Variants in NUP88 observed in about 807,000 individuals in gnomAD.
The protein encoded by NUP88 is nucleoporin 88, also known as nuclear pore complex protein Nup88.
NUP88 carries 57 observed loss-of-function variants against 93.9 expected under a neutral mutation model. The ratio of observed to expected loss-of-function variants is 0.61; its 90% CI spans 0.49 to 0.76. The LOEUF (loss-of-function observed/expected upper bound fraction) is 0.76. Among genes scored for constraint, NUP88 ranks in the 30% least tolerant of loss-of-function variants. The pLI is 0.00. For missense variants in NUP88, 911 were observed against 901.0 expected (o/e 1.01, Z -0.14); for synonymous variants, 346 against 336.8 (o/e 1.03, Z -0.30).
intron 2 of NUP88, among the ~76,000 whole-genome samples, chr17:5,415,026 G>T (rs975742573): frequency 6.0e-5 from 9 of 150,160 alleles, no homozygotes; most frequent in African/African-American, 2.2e-4. Flanking sequence ...AATTTTATTT[G>T]TTTATTTATT....
In NUP88 at chr17:5,404,234, A is replaced by G. The variant is rs756162217; in HGVS notation, c.1057T>C (p.Trp353Arg). The change falls in exon 7 of 17, where the codon TGG becomes CGG. Residue 353 changes from tryptophan to arginine, a missense_variant. Trp to Arg is a moderately radical substitution (Grantham distance 101). Coordinates refer to ENST00000573584, the MANE Select transcript of NUP88 (RefSeq NM_002532.6). Reference protein sequence around the residue: ...EEDDHTSEKSWDSRIDLIPSL... With the variant: ...EEDDHTSEKSRDSRIDLIPSL... ...GGAATGAGGTCAATCCTGGAATCCC[A>G]GGACTTTTCTGACTGTAAAAAAAAG... is the stretch of plus-strand genomic sequence containing the variant. 6.2e-7 allele frequency: 1 copy of G among 1,612,582 alleles called. No individual in the cohort carries two copies. Among genetic ancestry groups the G allele is most frequent in the Non-Finnish European group, 8.5e-7 (1 of 1,179,564 alleles).
At chr17:5,409,682 G>C (rs1281036056) in intron 4 of NUP88, among the ~76,000 whole-genome samples, 1 of 152,110 alleles carries the variant, frequency 6.6e-6, no homozygotes, top group East Asian at 1.9e-4. Context: ...CCTCTAGAGA[G>C]AGAAATACCA....
rs761306371 is a variant in NUP88 at position 5,391,524 on chromosome 17, A to C, written c.1484+37T>G. On this transcript the variant is annotated intron_variant, in intron 10 of 16. Coordinates refer to ENST00000573584, the MANE Select transcript of NUP88 (RefSeq NM_002532.6). Reference sequence around the variant, plus strand: ...TTCCCAACTTAGATATTGCAGAATTAACAAGAGCTGTGTGGAGAATATAAA... The same window carrying C: ...TTCCCAACTTAGATATTGCAGAATTCACAAGAGCTGTGTGGAGAATATAAA... The C allele has an allele frequency of 3.9e-6, 6 of 1,528,386 alleles. No individual in the cohort carries two copies. In the African/African-American group the frequency reaches 6.8e-5, roughly 17 times the overall value. 94.7% of individuals were successfully genotyped at this position (1,528,386 alleles called of 1,614,324 possible).
At chr17:5,403,180 C>A (rs1913271395) in intron 7 of NUP88, among the ~76,000 whole-genome samples, 1 of 151,908 alleles carries the variant, frequency 6.6e-6, no homozygotes, top group African/African-American at 2.4e-5. Flanking sequence ...CCCACCTCTA[C>A]TAAAAATACA....
chr17:5,410,132 G>A (rs773783301), intron 4 of NUP88, among the ~76,000 whole-genome samples: 1 of 152,204 alleles, frequency 6.6e-6, no homozygotes, highest in Non-Finnish European at 1.5e-5. Context: ...AGAATGATGT[G>A]ATTAAACTTT....
At chr17:5,387,285 A>C in intron 14 of NUP88, 101 bp downstream of exon 14, 1 of 1,250,396 alleles carries the variant, frequency 8.0e-7, no homozygotes, top group Non-Finnish European at 1.2e-6. Context: ...CAGGGGGATC[A>C]GTTCAGTTCC....
chr17:5,407,719 T>C (rs1435813557), intron 5 of NUP88, among the ~76,000 whole-genome samples: 1 of 152,196 alleles, frequency 6.6e-6, no homozygotes, highest in Non-Finnish European at 1.5e-5. Context: ...AAATAAATCT[T>C]CTCCCCCAAT....
At position 5,408,850 on chromosome 17, in the gene NUP88, G is replaced by A. The variant is rs1913654511; in HGVS notation, c.740C>T (p.Ala247Val). ...TCCAAATAGAGTCTTTGGGACTGCT[G>A]CCAATGGCCCAAAGTCAAATGCAAC... Reference protein sequence around the residue: ...TAVAFDFGPLAAVPKTLFGQN... With the variant: ...TAVAFDFGPLVAVPKTLFGQN... The change falls in exon 5 of 17, where the codon GCA becomes GTA. Residue 247 changes from alanine (A) to valine (V), a missense_variant. Ala to Val is a moderately conservative substitution (Grantham distance 64). Transcript: ENST00000573584. The A allele has an allele frequency of 6.2e-7, 1 of 1,613,810 alleles. No individual in the cohort carries two copies. Among genetic ancestry groups the A allele is most frequent in the Admixed American group, 1.7e-5 (1 of 59,952 alleles).
Position 5,419,567 on chromosome 17 carries a change from C to G in NUP88, c.84G>C (p.Arg28=), listed in dbSNP as rs1162931132. The change falls in exon 1 of 17, where the codon CGG becomes CGC. Residue 28 remains arginine (R), a synonymous_variant. Coordinates refer to ENST00000573584, the MANE Select transcript of NUP88 (RefSeq NM_002532.6). ...LPNHVVFLRL[R]EGLKNQSPTE... is the part of the protein sequence containing the mutation. Reference sequence around the variant, plus strand: ...TTGGACTCTGGTTTTTCAGTCCCTCCCGGAGCCGCAAGAACACGACGTGGT... The same window carrying G: ...TTGGACTCTGGTTTTTCAGTCCCTCGCGGAGCCGCAAGAACACGACGTGGT... The G allele has an allele frequency of 2.5e-6, 4 of 1,610,936 alleles. No homozygotes were observed. Among genetic ancestry groups the G allele is most frequent in the South Asian group, 1.1e-5 (1 of 91,044 alleles).
chr17:5,393,693 C>T (rs1912592683), intron 9 of NUP88, among the ~76,000 whole-genome samples: 1 of 152,026 alleles, frequency 6.6e-6, no homozygotes, highest in Non-Finnish European at 1.5e-5. Flanking sequence ...ACCTCGATCT[C>T]CCAAAATGCT....
intron 16 of NUP88, 104 bp downstream of exon 16, chr17:5,386,604 A>G (rs2144756285): frequency 2.5e-6 from 2 of 812,876 alleles, no homozygotes; most frequent in Non-Finnish European, 4.3e-6. Context: ...ATTACTTGAC[A>G]TGCAAATACC....
chr17:5,411,459 G>A (rs185224246), intron 3 of NUP88, among the ~76,000 whole-genome samples: 287 of 152,024 alleles, frequency 1.9e-3, no homozygotes, highest in Non-Finnish European at 2.8e-3. Context: ...AGCTACTCGG[G>A]AGGCTGAGGC....
chr17:5,414,131 G>A lies in NUP88; in HGVS notation c.471C>T (p.Thr157=), dbSNP rs963214988. The change falls in exon 3 of 17, where the codon ACC becomes ACT. Residue 157 remains threonine (T), a synonymous_variant. Transcript: ENST00000573584. ...TGAAAAATCTCTCCGCAACTGGAGT[G>A]GTACTAAAATAAAGATAATAATTTT... ...EGGKSTVNCS[T]TPVAERFFTS... is the part of the protein sequence containing the mutation. The A allele has an allele frequency of 3.1e-6, 5 of 1,612,568 alleles. No individual in the cohort carries two copies. The highest frequency in any genetic ancestry group is 4.2e-6 in the Non-Finnish European group (5 of 1,178,932).
intron 9 of NUP88, among the ~76,000 whole-genome samples, chr17:5,393,392 A>G (rs1185288909): frequency 2.0e-5 from 3 of 150,240 alleles, no homozygotes; most frequent in African/African-American, 7.4e-5. Context: ...CACCATGCCC[A>G]GCCTACATGG....
Position 5,387,466 on chromosome 17 carries a change from C to T in NUP88, c.1836G>A (p.Arg612=), listed in dbSNP as rs1912083916. 1.9e-6 allele frequency: 3 copies of T among 1,614,112 alleles called. No homozygotes were observed. The Admixed American group carries it at 5.0e-5, about 27-fold the overall frequency. ...GCTCAGCCATTTCCCGCAGACTTTTCCTAATGATGTAAGACACAAGAGACT... is the reference window on the plus strand; with the variant it reads ...GCTCAGCCATTTCCCGCAGACTTTTTCTAATGATGTAAGACACAAGAGACT... ...LEDLSYCREE[R]KSLREMAERL... Residue 612 remains arginine, a splice_region_variant and synonymous_variant, in exon 14 of 17, where the codon AGG becomes AGA. Coordinates refer to ENST00000573584, the MANE Select transcript of NUP88 (RefSeq NM_002532.6).
At position 5,410,709 on chromosome 17, in the gene NUP88, T is replaced by C. The variant is rs750132593; in HGVS notation, c.674A>G (p.Asn225Ser). 1.1e-5 allele frequency: 17 copies of C among 1,592,414 alleles called. No individual in the cohort carries two copies. The highest frequency in any genetic ancestry group is 4.0e-5 in the African/African-American group (3 of 74,258). ...SEAEEESLVL[N>S]KGRAYTASLG... The stretch of plus-strand genomic sequence containing the variant: ...GACTCAAATAAAAACTTACCCTTTA[T>C]TGAGTACTAGACTTTCCTCTTCGGC... Residue 225 changes from asparagine to serine, a missense_variant, in exon 4 of 17, where the codon AAT becomes AGT. Transcript: ENST00000573584.
intron 3 of NUP88, among the ~76,000 whole-genome samples, chr17:5,412,597 C>G (rs1913900593): frequency 6.6e-6 from 1 of 152,060 alleles, no homozygotes; most frequent in South Asian, 2.1e-4. Flanking sequence ...CAATGGGAGC[C>G]AGAGCTCCTC....
At position 5,419,490 on chromosome 17, in the gene NUP88, TGCGGCG is replaced by T; in HGVS notation, c.155_160del (p.Pro52_Pro53del). 2 of 1,613,960 alleles carry T rather than the reference TGCGGCG, an allele frequency of 1.2e-6. No homozygotes were observed. Among genetic ancestry groups the T allele is most frequent in the Admixed American group, 1.7e-5 (1 of 60,018 alleles). The stretch of plus-strand genomic sequence containing the variant: ...AAAGACCACGTTTCTCGTCAGCAAC[TGCGGCG>T]GCGGCGACGAAGGCAACGACGAAGA... On this transcript the variant is annotated inframe_deletion, in exon 1 of 17. Transcript: ENST00000573584.
chr17:5,415,011 A>C (rs1056300976), intron 2 of NUP88, among the ~76,000 whole-genome samples: 1 of 150,802 alleles, frequency 6.6e-6, no homozygotes, highest in Non-Finnish European at 1.5e-5. Context: ...TAAATTATTT[A>C]TTTAAATTTT....
Sources: allele counts gnomAD v4.1 joint callset (sites outside exome capture counted in the v4.1 genomes callset), GRCh38; gene constraint gnomAD v4.1.1; transcripts MANE v1.5; gene names NCBI Gene and HGNC (gene_info 2026-07-23, HGNC 2026-07-21).